Variants in SLC26A3 observed in about 807,000 individuals in gnomAD.
SLC26A3 encodes chloride anion exchanger.
SLC26A3 carries 64 observed loss-of-function variants against 85.6 expected under a neutral mutation model. The observed-to-expected ratio is 0.75, with a 90% CI of 0.61 to 0.92. SLC26A3 has a LOEUF of 0.92. SLC26A3 is among the 40% of genes least tolerant of loss of function. The pLI is 0.00. For synonymous variants in SLC26A3, 349 were observed against 336.0 expected (o/e 1.04, Z -0.42); for missense variants, 922 against 927.3 (o/e 0.99, Z 0.07).
At chr7:107,781,590 A>G (rs1471406995) in intron 11 of SLC26A3, among the ~76,000 whole-genome samples, 1 of 152,032 alleles carries the variant, frequency 6.6e-6, no homozygotes, top group Admixed American at 6.6e-5. Context: ...ACATTCTTCT[A>G]TTTCTTTAGT....
In SLC26A3 at chr7:107,793,765, G is replaced by A. The variant is rs1168828804; in HGVS notation, c.248C>T (p.Thr83Ile). ...LLSDIVSGIS[T>I]GIVAVLQGLA... ...ACCTTGTAGTACGGCCACAATCCCT[G>A]TGCTGATACCAGAAACAATATCACT... Residue 83 changes from threonine (T) to isoleucine (I), a missense_variant, in exon 3 of 21, where the codon ACA (threonine) becomes ATA (isoleucine). By Grantham distance (89) the Thr-to-Ile change is moderately conservative (BLOSUM62 -1). Transcript: ENST00000340010. 1 of 1,614,066 alleles carries A rather than the reference G, an allele frequency of 6.2e-7. No individual in the cohort carries two copies. The highest frequency in any genetic ancestry group is 1.1e-5 in the South Asian group (1 of 91,068).
intron 6 of SLC26A3, among the ~76,000 whole-genome samples, chr7:107,788,766 C>CT (rs1794340606): frequency 7.0e-6 from 1 of 142,298 alleles, no homozygotes; most frequent in African/African-American, 2.6e-5. Context: ...CTTTTCTTTT[C>CT]TTTTTCTTTT....
At chr7:107,795,013 A>G (rs1001770747) in intron 1 of SLC26A3, among the ~76,000 whole-genome samples, 23 of 152,314 alleles carry the variant, frequency 1.5e-4, no homozygotes, top group African/African-American at 5.5e-4. Context: ...CAGAATTTTA[A>G]AATTTGTTTT....
In SLC26A3 at chr7:107,776,505, A is replaced by T; in HGVS notation, c.1624T>A (p.Ser542Thr). ...PEGVKIFRCP[S>T]PIYFANIGFF... ...CCAATGTTTGCAAAGTAGATAGGAGATGGACATCTGAAAATTTTCACTCCT... is the reference window on the plus strand; with the variant it reads ...CCAATGTTTGCAAAGTAGATAGGAGTTGGACATCTGAAAATTTTCACTCCT... Residue 542 changes from serine (S) to threonine (T), a missense_variant, in exon 15 of 21, where the codon TCT becomes ACT. Ser to Thr is a moderately conservative substitution (Grantham distance 58). Transcript: ENST00000340010. The T allele has an allele frequency of 6.2e-7, 1 of 1,614,142 alleles. No homozygotes were observed.
intron 17 of SLC26A3, among the ~76,000 whole-genome samples, chr7:107,772,901 T>A (rs909464648): frequency 6.6e-6 from 1 of 152,118 alleles, no homozygotes. Context: ...TAAAAAAAAT[T>A]CTTCCATTTT....
chr7:107,791,636 A>G (rs1241801975), intron 4 of SLC26A3, among the ~76,000 whole-genome samples, 194 bp downstream of exon 4: 11 of 151,800 alleles, frequency 7.2e-5, no homozygotes, highest in African/African-American at 2.7e-4. Context: ...AAATAAATAA[A>G]TAAATAAATA....
At position 107,779,569 on chromosome 7, in the gene SLC26A3, A is replaced by G. The variant is rs1562877308; in HGVS notation, c.1407+99T>C. The G allele has an allele frequency of 2.9e-5, 29 of 1,012,768 alleles. No homozygotes were observed. The East Asian group carries it at 7.4e-4, about 26-fold the overall frequency. The allele number at this position is 1,012,768 out of a possible 1,614,324, so 62.7% of individuals were successfully genotyped here. A position where few individuals can be genotyped will look rare whatever the true frequency, so the allele number is the denominator to read the frequency against. On this transcript the variant is annotated intron_variant, in intron 12 of 20. Transcript: ENST00000340010. ...TTTTTTTGAACAGATATATAGAAAC[A>G]AAATTTCACTTAGTTTACAATATAA...
chr7:107,794,035 T>C (rs1794452754), intron 2 of SLC26A3, among the ~76,000 whole-genome samples, 154 bp from the exon 3 acceptor site: 1 of 152,234 alleles, frequency 6.6e-6, no homozygotes, highest in South Asian at 2.1e-4. Flanking sequence ...AGCTGCCCTC[T>C]GGTCACCAAC....
chr7:107,798,539 A>G (rs182733558), intron 1 of SLC26A3, among the ~76,000 whole-genome samples: 33 of 152,136 alleles, frequency 2.2e-4, no homozygotes, highest in Middle Eastern at 3.4e-3. Flanking sequence ...TTTTGCTGGG[A>G]AACAACTAAT....
chr7:107,777,560 G>A (rs1361562715), intron 13 of SLC26A3, among the ~76,000 whole-genome samples: 2 of 151,970 alleles, frequency 1.3e-5, no homozygotes, highest in African/African-American at 2.4e-5. Flanking sequence ...GTTGCACTCC[G>A]GCCTGGGCGA....
chr7:107,801,851 G>A (rs1794602522), intron 1 of SLC26A3, among the ~76,000 whole-genome samples: 2 of 151,322 alleles, frequency 1.3e-5, no homozygotes, highest in South Asian at 4.2e-4. Context: ...AGACTGAGGT[G>A]GGAGGATCAC....
chr7:107,766,956 C>T (rs1482902561), intron 20 of SLC26A3, among the ~76,000 whole-genome samples: 1 of 151,646 alleles, frequency 6.6e-6, no homozygotes, highest in African/African-American at 2.4e-5. Flanking sequence ...GAATGTAATA[C>T]ACCTGCCATC....
rs886061902 is a variant in SLC26A3, at chr7:107,787,507, T to C, written c.738A>G (p.Val246=). ...CTATTTGTGAGAATACAGAGTATAGTACCTACAATTATAAAAACAAAAACC... is the reference window on the plus strand; with the variant it reads ...CTATTTGTGAGAATACAGAGTATAGCACCTACAATTATAAAAACAAAAACC... ...SHTDPVSIFK[V]LYSVFSQIEK... The change falls in exon 7 of 21, where the codon GTA becomes GTG. Residue 246 remains valine, a splice_region_variant and synonymous_variant. Coordinates refer to ENST00000340010, the MANE Select transcript of SLC26A3 (RefSeq NM_000111.3). 6.2e-7 allele frequency: 1 copy of C among 1,612,592 alleles called. No individual in the cohort carries two copies. Among genetic ancestry groups the C allele is most frequent in the Non-Finnish European group, 8.5e-7 (1 of 1,179,420 alleles).
intron 12 of SLC26A3, among the ~76,000 whole-genome samples, chr7:107,778,841 A>G (rs1196460888): frequency 6.6e-6 from 1 of 152,096 alleles, no homozygotes; most frequent in African/African-American, 2.4e-5. Context: ...AATAAAAAAA[A>G]ATAGCTGAGG....
At chr7:107,793,127 C>T (rs892980277) in intron 3 of SLC26A3, among the ~76,000 whole-genome samples, 1 of 152,192 alleles carries the variant, frequency 6.6e-6, no homozygotes. Flanking sequence ...AACCCTCATA[C>T]ACTGCTAGTG....
intron 18 of SLC26A3, among the ~76,000 whole-genome samples, chr7:107,768,929 A>G (rs1413777601): frequency 6.6e-6 from 1 of 152,130 alleles, no homozygotes; most frequent in Non-Finnish European, 1.5e-5. Context: ...TCTGGGATGG[A>G]GTGGGTGGCA....
chr7:107,787,830 T>C (rs1266454107), intron 6 of SLC26A3, among the ~76,000 whole-genome samples: 4 of 152,226 alleles, frequency 2.6e-5, no homozygotes, highest in African/African-American at 4.8e-5. Context: ...TCTGCCCTTA[T>C]TAGGTCTCTT....
rs386833444 is a variant in SLC26A3 at position 107,783,296 on chromosome 7, C to G, written c.1028G>C (p.Cys343Ser). Residue 343 changes from cysteine (C) to serine (S), a missense_variant, in exon 9 of 21, where the codon TGC becomes TCC. Cys to Ser is a moderately radical substitution (Grantham distance 112). Transcript: ENST00000340010. ...VETFQNTVGD[C>S]FGIAMVAFAV... ...AAATGCAACCATTGCGATGCCGAAG[C>G]AATCTCCTACGGTGTTTTGGAAAGT... The G allele has an allele frequency of 1.9e-6, 3 of 1,614,196 alleles. No individual in the cohort carries two copies. Among genetic ancestry groups the G allele is most frequent in the Non-Finnish European group, 2.5e-6 (3 of 1,180,026 alleles).
Position 107,767,759 on chromosome 7 carries a change from C to G in SLC26A3, c.2205+7G>C. 6.2e-7 allele frequency: 1 copy of G among 1,613,722 alleles called. No homozygotes were observed. Among genetic ancestry groups the G allele is most frequent in the Non-Finnish European group, 8.5e-7 (1 of 1,179,790 alleles). Reference sequence around the variant, plus strand: ...TGCAATTGTGAAAGTCACCAAAGAGCTGATACCTGACTGGGATTAAACTTT... The same window carrying G: ...TGCAATTGTGAAAGTCACCAAAGAGGTGATACCTGACTGGGATTAAACTTT... On this transcript the variant is annotated splice_region_variant and intron_variant, in intron 19 of 20. Transcript: ENST00000340010.
Sources: allele counts gnomAD v4.1 joint callset (sites outside exome capture counted in the v4.1 genomes callset), GRCh38; gene constraint gnomAD v4.1.1; transcripts MANE v1.5; gene names NCBI Gene and HGNC (gene_info 2026-07-23, HGNC 2026-07-21).